COL23A1: variants seen among roughly 807,000 people sequenced by gnomAD.
COL23A1 encodes collagen alpha-1(XXIII) chain.
A neutral mutation model predicts 99.3 loss-of-function variants in COL23A1; 97 were observed. That is an observed-to-expected ratio of 0.98 (90% confidence interval 0.83 to 1.16). COL23A1 has a LOEUF of 1.16. COL23A1 is among the 50% of genes most tolerant of loss of function. COL23A1 has a pLI of 0.00. For synonymous variants in COL23A1, 320 were observed against 308.2 expected (o/e 1.04, Z -0.40); for missense variants, 762 against 757.4 (o/e 1.01, Z -0.07).
intron 2 of COL23A1, among the ~76,000 whole-genome samples, chr5:178,409,710 A>T (rs1304044072): frequency 6.6e-6 from 1 of 152,258 alleles, no homozygotes; most frequent in East Asian, 1.9e-4. Flanking sequence ...TAAATTGACA[A>T]TATAATCACA....
At chr5:178,268,701 A>G (rs966413164) in intron 7 of COL23A1, 29 bp downstream of exon 7, 1 of 1,591,542 alleles carries the variant, frequency 6.3e-7, no homozygotes, top group African/African-American at 1.3e-5. Flanking sequence ...CCTGCCTACC[A>G]CATCTGCACA....
intron 7 of COL23A1, 82 bp from the exon 8 acceptor site, chr5:178,267,415 C>T: frequency 7.2e-7 from 1 of 1,386,072 alleles, no homozygotes; most frequent in South Asian, 1.3e-5. Flanking sequence ...GTGCCCAGTG[C>T]TTCATAGACA....
chr5:178,320,019 C>T (rs972750042), intron 2 of COL23A1, among the ~76,000 whole-genome samples: 3 of 152,358 alleles, frequency 2.0e-5, no homozygotes, highest in Admixed American at 1.3e-4. Context: ...TCTGCCCATT[C>T]CTGCATGGCT....
At chr5:178,534,758 G>A (rs999860515) in intron 2 of COL23A1, among the ~76,000 whole-genome samples, 2 of 151,920 alleles carry the variant, frequency 1.3e-5, no homozygotes, top group South Asian at 4.2e-4. Flanking sequence ...CAGCCTGGGC[G>A]ACAGAGCAAG....
chr5:178,517,733 TG>T (rs67194968), intron 2 of COL23A1, among the ~76,000 whole-genome samples: 52,763 of 151,034 alleles, frequency 0.35, 10,956 homozygotes, highest in Admixed American at 0.49. Flanking sequence ...AGCTAATTTT[TG>T]TATGTTTAGT....
intron 2 of COL23A1, among the ~76,000 whole-genome samples, chr5:178,364,388 G>A (rs1393088306): frequency 6.6e-6 from 1 of 151,762 alleles, no homozygotes; most frequent in Non-Finnish European, 1.5e-5. Flanking sequence ...AGGCCCCCAG[G>A]AGGGTGAGCT....
Position 178,434,937 on chromosome 5 carries a change from G to A in COL23A1, c.361+125745C>T, listed in dbSNP as rs773664596. 1.4e-4 allele frequency among the ~76,000 whole-genome samples: 22 copies of A among 152,116 alleles called. No individual in the cohort carries two copies. Among genetic ancestry groups the A allele is most frequent in the African/African-American group, 4.8e-4 (20 of 41,492 alleles). ...GCAGCCCAGCCCCGACCCTGCCGCC[G>A]GTCAAGACTGTGTTTCCCAGGGGCC... On this transcript the variant is annotated intron_variant, in intron 2 of 28. Coordinates refer to ENST00000390654, the MANE Select transcript of COL23A1 (RefSeq NM_173465.4). This position sits in a 1 kb window ranked among gnomAD's most constrained non-coding sequence, Gnocchi z 4.3.
At chr5:178,464,440 C>G (rs1367064694) in intron 2 of COL23A1, among the ~76,000 whole-genome samples, 6 of 152,180 alleles carry the variant, frequency 3.9e-5, no homozygotes, top group African/African-American at 1.4e-4. Flanking sequence ...ACCACATTTT[C>G]TTTATCCATT....
chr5:178,358,411 ATGTGTATGTGTGTG>A (rs1761933372), intron 2 of COL23A1, among the ~76,000 whole-genome samples: 1 of 117,026 alleles, frequency 8.5e-6, no homozygotes, highest in South Asian at 3.2e-4. Flanking sequence ...GTATGTGTGT[ATGTGTATGTGTGTG>A]TATGTGTATG....
chr5:178,382,271 G>A (rs928083108), intron 2 of COL23A1, among the ~76,000 whole-genome samples: 2 of 152,216 alleles, frequency 1.3e-5, no homozygotes, highest in Non-Finnish European at 2.9e-5. Flanking sequence ...TGCCTGGAGG[G>A]AGTGTCAGGG....
chr5:178,263,327 G>A lies in COL23A1; in HGVS notation c.523-3C>T, dbSNP rs1395064338. ...GCTCCATCTTGTCCTTGGTCTCCCTGAAAGAGATGGGGCTTGGCATGACTC... is the reference window on the plus strand; with the variant it reads ...GCTCCATCTTGTCCTTGGTCTCCCTAAAAGAGATGGGGCTTGGCATGACTC... On this transcript the variant is annotated splice_region_variant and splice_polypyrimidine_tract_variant and intron_variant, in intron 8 of 28. Transcript: ENST00000390654. 1 of 1,566,928 alleles carries A rather than the reference G, an allele frequency of 6.4e-7. No individual in the cohort carries two copies. Among genetic ancestry groups the A allele is most frequent in the South Asian group, 1.2e-5 (1 of 86,912 alleles).
At chr5:178,510,005 G>A (rs143982707) in intron 2 of COL23A1, among the ~76,000 whole-genome samples, 10 of 152,306 alleles carry the variant, frequency 6.6e-5, no homozygotes, top group Non-Finnish European at 1.0e-4. Context: ...GGTCCTGCAC[G>A]TAGGAAGTAC....
intron 2 of COL23A1, among the ~76,000 whole-genome samples, chr5:178,335,273 A>C (rs1760256264): frequency 6.6e-6 from 1 of 152,218 alleles, no homozygotes; most frequent in Non-Finnish European, 1.5e-5. Flanking sequence ...TGTTCATAAT[A>C]ATTTTGGAGT....
intron 2 of COL23A1, among the ~76,000 whole-genome samples, chr5:178,547,144 T>C (rs1414933604): frequency 6.6e-6 from 1 of 152,076 alleles, no homozygotes; most frequent in Non-Finnish European, 1.5e-5. Context: ...TTCCAAACTA[T>C]TTCCCCGTAG....
intron 1 of COL23A1, among the ~76,000 whole-genome samples, chr5:178,584,343 C>CACA: frequency 6.8e-6 from 1 of 148,122 alleles, no homozygotes; most frequent in South Asian, 2.2e-4. Context: ...CACACACACA[C>CACA]CTAGAAATAA....
chr5:178,575,575 C>T (rs999667511), intron 1 of COL23A1, among the ~76,000 whole-genome samples: 3 of 152,176 alleles, frequency 2.0e-5, no homozygotes, highest in African/African-American at 7.2e-5. Flanking sequence ...TCAAGCAGTT[C>T]CATGGCTCAC....
chr5:178,472,579 G>GCATCCATGGGTGC (rs1756813717), intron 2 of COL23A1, among the ~76,000 whole-genome samples: 1 of 151,770 alleles, frequency 6.6e-6, no homozygotes, highest in African/African-American at 2.4e-5. Context: ...AACGGCTGCA[G>GCATCCATGGGTGC]CAGCATCCAT....
intron 3 of COL23A1, among the ~76,000 whole-genome samples, chr5:178,295,901 T>A (rs1207679016): frequency 6.6e-6 from 1 of 152,252 alleles, no homozygotes; most frequent in Non-Finnish European, 1.5e-5. Flanking sequence ...TTTGTTTGTA[T>A]AAACAGGACA....
rs117230552 is a variant in COL23A1 at position 178,453,394 on chromosome 5, T to C, written c.361+107288A>G. Among the ~76,000 whole-genome samples the C allele has an allele frequency of 2.0e-3, 300 of 152,328 alleles. 6 individuals carry two copies. In the East Asian group the frequency reaches 0.048, roughly 24 times the overall value. Reference sequence around the variant, plus strand: ...AAAGAGCATGATGGAGCACCCTTTCTTCTTGTCTCACTAGCCACTCACTTT... The same window carrying C: ...AAAGAGCATGATGGAGCACCCTTTCCTCTTGTCTCACTAGCCACTCACTTT... On this transcript the variant is annotated intron_variant, in intron 2 of 28. Transcript: ENST00000390654.
Sources: allele counts gnomAD v4.1 joint callset (sites outside exome capture counted in the v4.1 genomes callset), GRCh38; gene constraint gnomAD v4.1.1; non-coding constraint Gnocchi (gnomAD v3.1); transcripts MANE v1.5; gene names NCBI Gene and HGNC (gene_info 2026-07-23, HGNC 2026-07-21).